Variants in ACADM observed in about 807,000 individuals in gnomAD.
The protein encoded by ACADM is acyl-CoA dehydrogenase medium chain.
In ACADM, 49 loss-of-function variants were observed where a neutral mutation model predicts 58.9. The observed-to-expected ratio is 0.83, with a 90% CI of 0.66 to 1.06. ACADM has a LOEUF of 1.06. Among genes scored for constraint, ACADM ranks in the 50% least tolerant of loss-of-function variants. ACADM has a pLI of 0.00. For synonymous variants in ACADM, 160 were observed against 157.7 expected (o/e 1.01, Z -0.11); for missense variants, 496 against 507.0 (o/e 0.98, Z 0.21).
Position 75,728,411 on chromosome 1 carries a change from G to C in ACADM, c.41G>C (p.Ser14Thr). ...GFGRCCRVLR[S>T]ISRFHWRSQH... Reference sequence around the variant, plus strand: ...AAGTGTTCTTTACAGGTCCTGAGAAGTATTTCTCGTTTTCATTGGAGATCA... The same window carrying C: ...AAGTGTTCTTTACAGGTCCTGAGAACTATTTCTCGTTTTCATTGGAGATCA... Residue 14 changes from serine (S) to threonine (T), a missense_variant, in exon 2 of 12, where the codon AGT (serine) becomes ACT (threonine). Transcript: ENST00000370841. 1 of 1,612,728 alleles carries C rather than the reference G, an allele frequency of 6.2e-7. No individual in the cohort carries two copies. The highest frequency in any genetic ancestry group is 8.5e-7 in the Non-Finnish European group (1 of 1,179,140).
intron 10 of ACADM, among the ~76,000 whole-genome samples, chr1:75,755,662 C>A (rs1209307771): frequency 1.3e-5 from 2 of 152,178 alleles, no homozygotes; most frequent in African/African-American, 2.4e-5. Context: ...TGGGGAGAAA[C>A]CAGAGCAGAA....
At position 75,732,632 on chromosome 1, in the gene ACADM, A is replaced by ATTT. The variant is rs761432730; in HGVS notation, c.119-10_119-8dup. 5.0e-6 allele frequency: 8 copies of ATTT among 1,606,476 alleles called. No individual in the cohort carries two copies. In the Admixed American group the frequency reaches 1.3e-4, roughly 27 times the overall value. ...TATCCAGTTTTAACTTTTCTAAATA[A>ATTT]TTTTCCCTTAGAGTTCACCGAACAG... On this transcript the variant is annotated splice_polypyrimidine_tract_variant and intron_variant, in intron 2 of 11. Transcript: ENST00000370841.
chr1:75,728,536 C>G (rs1647091842), intron 2 of ACADM, 48 bp downstream of exon 2: 1 of 1,238,178 alleles, frequency 8.1e-7, no homozygotes, highest in Non-Finnish European at 1.1e-6. Context: ...ACATATGAAG[C>G]TTTATATGTT....
chr1:75,758,961 C>A (rs1410924469), intron 10 of ACADM, among the ~76,000 whole-genome samples: 1 of 152,234 alleles, frequency 6.6e-6, no homozygotes, highest in Admixed American at 6.5e-5. Flanking sequence ...CACAATAAAT[C>A]TTGCTGCTGC....
At chr1:75,729,177 A>G (rs1053419659) in intron 2 of ACADM, among the ~76,000 whole-genome samples, 1 of 136,472 alleles carries the variant, frequency 7.3e-6, no homozygotes, top group Admixed American at 7.1e-5. Flanking sequence ...CTCCAGAGTT[A>G]TTTTTTTTAT....
chr1:75,747,173 C>G lies in ACADM; in HGVS notation c.708+1259C>G, dbSNP rs572497689. Among the ~76,000 whole-genome samples the G allele has an allele frequency of 4.6e-5, 7 of 152,008 alleles. No individual in the cohort carries two copies. The South Asian group carries it at 1.0e-3, about 23-fold the overall frequency. ...AAACTTGGCCAAATGTATGGCCCAT[C>G]TTTAGAAAGTATAAAGGACCTAACA... On this transcript the variant is annotated intron_variant, in intron 8 of 11. Transcript: ENST00000370841.
intron 10 of ACADM, among the ~76,000 whole-genome samples, chr1:75,758,754 C>T (rs1049199651): frequency 6.6e-6 from 1 of 152,160 alleles, no homozygotes; most frequent in Non-Finnish European, 1.5e-5. Flanking sequence ...CGAATCAGCG[C>T]TCTGTGTCTA....
chr1:75,740,569 T>A (rs11161493), intron 7 of ACADM, among the ~76,000 whole-genome samples: 45,560 of 151,942 alleles, frequency 0.3, 7,011 homozygotes, highest in Non-Finnish European at 0.33. Flanking sequence ...AAATCTGAAA[T>A]TTTCTAATAT....
At chr1:75,735,020 C>A in intron 6 of ACADM, 149 bp downstream of exon 6, 2 of 710,112 alleles carry the variant, frequency 2.8e-6, no homozygotes, top group South Asian at 1.6e-5. Context: ...TCAAGGATGC[C>A]AAGAAAGTAT....
At chr1:75,761,077 G>A (rs1260149786) in intron 10 of ACADM, 45 bp from the exon 11 acceptor site, 2 of 1,576,434 alleles carry the variant, frequency 1.3e-6, no homozygotes, top group African/African-American at 1.4e-5. Flanking sequence ...AAACTTTTAA[G>A]TTTTCTCAAT....
chr1:75,738,607 G>T (rs575942121), intron 6 of ACADM, among the ~76,000 whole-genome samples: 1 of 151,950 alleles, frequency 6.6e-6, no homozygotes, highest in Non-Finnish European at 1.5e-5. Flanking sequence ...CTTTTTTGTT[G>T]TATATTTTTA....
chr1:75,733,679 A>G (rs1647190332), intron 5 of ACADM, 51 bp downstream of exon 5: 2 of 1,416,886 alleles, frequency 1.4e-6, no homozygotes, highest in Non-Finnish European at 2.0e-6. Context: ...TTAATGAGAT[A>G]GTTACTCCTG....
At chr1:75,748,203 A>G (rs1227395953) in intron 8 of ACADM, among the ~76,000 whole-genome samples, 1 of 152,224 alleles carries the variant, frequency 6.6e-6, no homozygotes, top group Non-Finnish European at 1.5e-5. Flanking sequence ...ATAAAAAATA[A>G]AGCAAATGTA....
chr1:75,757,417 A>C (rs949783844), intron 10 of ACADM, among the ~76,000 whole-genome samples: 4 of 152,238 alleles, frequency 2.6e-5, no homozygotes, highest in Non-Finnish European at 5.9e-5. Flanking sequence ...ACACTTCTCA[A>C]AAGAAGACAT....
chr1:75,740,013 GATGTAGCTGGTATA>G lies in ACADM; in HGVS notation c.504_517del (p.Asp168GlufsTer10). ...TGTAACAGAACCTGGAGCAGGCTCT[GATGTAGCTGGTATA>G]AAGACCAAAGCAGAAAAGAAAGGAG... On this transcript the variant is annotated frameshift_variant, in exon 7 of 12. Coordinates refer to ENST00000370841, the MANE Select transcript of ACADM (RefSeq NM_000016.6). LOFTEE classifies it high-confidence loss of function. The G allele has an allele frequency of 6.2e-7, 1 of 1,612,816 alleles. No homozygotes were observed. The highest frequency in any genetic ancestry group is 8.5e-7 in the Non-Finnish European group (1 of 1,179,064).
intron 6 of ACADM, among the ~76,000 whole-genome samples, chr1:75,739,589 G>A (rs1432673068): frequency 1.3e-5 from 2 of 152,138 alleles, no homozygotes; most frequent in Non-Finnish European, 2.9e-5. Flanking sequence ...GATTGCCTGA[G>A]CCCAGGAGGT....
intron 8 of ACADM, among the ~76,000 whole-genome samples, chr1:75,748,567 T>C (rs1236104911): frequency 1.3e-5 from 2 of 152,140 alleles, no homozygotes; most frequent in African/African-American, 4.8e-5. Context: ...TTATTGATCA[T>C]GCAGCAACAT....
chr1:75,761,730 A>G (rs759348324), intron 11 of ACADM: 1 of 263,752 alleles, frequency 3.8e-6, no homozygotes, highest in Non-Finnish European at 7.4e-6. Flanking sequence ...CAACTATTTA[A>G]TTTATTGTAA....
intron 11 of ACADM, 91 bp downstream of exon 11, chr1:75,761,461 C>T (rs746979683): frequency 7.1e-7 from 1 of 1,410,868 alleles, no homozygotes; most frequent in Non-Finnish European, 1.0e-6. Flanking sequence ...AATTTTATGT[C>T]CCTAGTAGCA....
Sources: allele counts gnomAD v4.1 joint callset (sites outside exome capture counted in the v4.1 genomes callset), GRCh38; gene constraint gnomAD v4.1.1; transcripts MANE v1.5; gene names NCBI Gene and HGNC (gene_info 2026-07-23, HGNC 2026-07-21).